CCSER1: variants seen among roughly 807,000 people sequenced by gnomAD.
The protein encoded by CCSER1 is coiled-coil serine rich protein 1, also known as serine-rich coiled-coil domain-containing protein 1.
Under a neutral mutation model 82.0 loss-of-function variants are expected in CCSER1, and 41 were observed. That is an observed-to-expected ratio of 0.50 (90% CI 0.39 to 0.65). The LOEUF (loss-of-function observed/expected upper bound fraction) is 0.65. Ranked by LOEUF, CCSER1 falls within the 30% of genes least tolerant of loss-of-function variation. The pLI is 0.00. For synonymous variants in CCSER1, 414 were observed against 383.9 expected (o/e 1.08, Z -0.92); for missense variants, 1,119 against 1,064.2 (o/e 1.05, Z -0.72).
intron 1 of CCSER1, among the ~76,000 whole-genome samples, chr4:90,231,628 C>T (rs1199788064): frequency 8.2e-4 from 121 of 148,410 alleles, no homozygotes; most frequent in African/African-American, 2.8e-3. Flanking sequence ...CCAGGGCAAT[C>T]AGGCAGGAGA....
intron 3 of CCSER1, among the ~76,000 whole-genome samples, chr4:90,367,355 C>G (rs1746455293): frequency 6.6e-6 from 1 of 151,756 alleles, no homozygotes; most frequent in Non-Finnish European, 1.5e-5. Context: ...CTTAAAGTTT[C>G]TGTGTTTAGT....
At chr4:91,337,524 C>A (rs1366970702) in intron 10 of CCSER1, among the ~76,000 whole-genome samples, 1 of 152,082 alleles carries the variant, frequency 6.6e-6, no homozygotes, top group Non-Finnish European at 1.5e-5. Flanking sequence ...ATCTTATAAA[C>A]TTTGGACTGC....
At chr4:90,624,067 G>GTGCATATGCTTA (rs1722856151) in intron 5 of CCSER1, among the ~76,000 whole-genome samples, 1 of 152,178 alleles carries the variant, frequency 6.6e-6, no homozygotes, top group Non-Finnish European at 1.5e-5. Context: ...AGGCAGTTGT[G>GTGCATATGCTTA]TGCATATGCT....
At chr4:91,427,160 A>T (rs1325988532) in intron 10 of CCSER1, among the ~76,000 whole-genome samples, 1 of 152,148 alleles carries the variant, frequency 6.6e-6, no homozygotes, top group Non-Finnish European at 1.5e-5. Context: ...TCTGTGAATG[A>T]AGAACATCAC....
chr4:91,135,038 G>A (rs1439130704), intron 10 of CCSER1, among the ~76,000 whole-genome samples: 5 of 150,922 alleles, frequency 3.3e-5, no homozygotes, highest in African/African-American at 7.3e-5. Flanking sequence ...CCAGCCTGGC[G>A]ACAGAGAGAG....
chr4:91,039,225 T>A (rs1336737997), intron 9 of CCSER1, among the ~76,000 whole-genome samples: 1 of 146,466 alleles, frequency 6.8e-6, no homozygotes, highest in East Asian at 2.1e-4. Flanking sequence ...TTTTTTTTTA[T>A]GGAGACAGGG....
chr4:90,853,563 G>A (rs1178230734), intron 8 of CCSER1, among the ~76,000 whole-genome samples: 1 of 152,034 alleles, frequency 6.6e-6, no homozygotes, highest in Non-Finnish European at 1.5e-5. Flanking sequence ...CTGTGCTCGT[G>A]TTTTAACCTT....
chr4:91,026,791 T>C (rs1284889507), intron 9 of CCSER1, among the ~76,000 whole-genome samples: 2 of 152,034 alleles, frequency 1.3e-5, no homozygotes, highest in Non-Finnish European at 1.5e-5. Flanking sequence ...AACAGTTTTG[T>C]TTAAAGGAAG....
At chr4:91,194,306 C>T (rs923771100) in intron 10 of CCSER1, among the ~76,000 whole-genome samples, 3 of 152,116 alleles carry the variant, frequency 2.0e-5, no homozygotes, top group Non-Finnish European at 4.4e-5. Flanking sequence ...TTATACAGTA[C>T]ATATTAAAAT....
intron 10 of CCSER1, among the ~76,000 whole-genome samples, chr4:91,388,653 G>C (rs931615761): frequency 6.6e-6 from 1 of 152,060 alleles, no homozygotes; most frequent in Non-Finnish European, 1.5e-5. Flanking sequence ...GATGACACAT[G>C]ATGTGGAACA....
chr4:90,864,039 A>T (rs1765428997), intron 8 of CCSER1, among the ~76,000 whole-genome samples: 1 of 145,438 alleles, frequency 6.9e-6, no homozygotes, highest in Non-Finnish European at 1.5e-5. Context: ...GCTGTGCTCT[A>T]ATATCACTTT....
At chr4:90,885,303 A>T (rs1721954837) in intron 8 of CCSER1, among the ~76,000 whole-genome samples, 1 of 152,108 alleles carries the variant, frequency 6.6e-6, no homozygotes, top group South Asian at 2.1e-4. Context: ...AGGAAGGAAA[A>T]TGTGTTACCC....
intron 10 of CCSER1, among the ~76,000 whole-genome samples, chr4:91,175,927 A>G (rs1357058229): frequency 2.0e-5 from 3 of 152,196 alleles, no homozygotes; most frequent in Non-Finnish European, 2.9e-5. Flanking sequence ...GTTATTGCCT[A>G]GGTTTTACTT....
At chr4:90,622,364 C>T (rs1034687581) in intron 5 of CCSER1, among the ~76,000 whole-genome samples, 6 of 152,146 alleles carry the variant, frequency 3.9e-5, no homozygotes, top group Non-Finnish European at 8.8e-5. Context: ...TGGTGTGCTG[C>T]ACCCATTAAC....
At chr4:90,201,312 C>T (rs1443001824) in intron 1 of CCSER1, among the ~76,000 whole-genome samples, 1 of 152,044 alleles carries the variant, frequency 6.6e-6, no homozygotes, top group African/African-American at 2.4e-5. Flanking sequence ...CTTGTAGACA[C>T]TTGCTCTTAA....
intron 8 of CCSER1, among the ~76,000 whole-genome samples, chr4:90,901,455 C>G (rs1724642784): frequency 6.6e-6 from 1 of 151,774 alleles, no homozygotes; most frequent in Non-Finnish European, 1.5e-5. Context: ...GTTTAGAATT[C>G]CTTTGAACAT....
chr4:91,420,973 T>G (rs1034578788), intron 10 of CCSER1, among the ~76,000 whole-genome samples: 1 of 152,192 alleles, frequency 6.6e-6, no homozygotes, highest in African/African-American at 2.4e-5. Flanking sequence ...AAATCCTGTG[T>G]GATCTCACTT....
At chr4:90,139,914 A>G (rs1186476575) in intron 1 of CCSER1, among the ~76,000 whole-genome samples, 1 of 152,176 alleles carries the variant, frequency 6.6e-6, no homozygotes, top group East Asian at 1.9e-4. Context: ...AGCTGAGATC[A>G]TGCCACTTGC....
chr4:90,260,493 T>C (rs1724120916), intron 1 of CCSER1, among the ~76,000 whole-genome samples: 2 of 152,122 alleles, frequency 1.3e-5, no homozygotes, highest in Admixed American at 1.3e-4. Flanking sequence ...CTGCTACTTT[T>C]ATGATGATAT....
Sources: gnomAD v4.1 joint callset for allele counts (sites outside exome capture counted in the v4.1 genomes callset) on GRCh38, gnomAD v4.1.1 for gene constraint, MANE v1.5 for transcripts, NCBI Gene and HGNC (gene_info 2026-07-23, HGNC 2026-07-21) for gene names.